SYTL3: variants seen among roughly 807,000 people sequenced by gnomAD.
SYTL3 encodes the protein synaptotagmin like 3.
Under a neutral mutation model 82.1 loss-of-function variants are expected in SYTL3, and 88 were observed. The ratio of observed to expected loss-of-function variants is 1.07; its 90% CI spans 0.90 to 1.28. The LOEUF is 1.28. Among genes scored for constraint, SYTL3 ranks in the 50% most tolerant of loss-of-function variants. SYTL3 has a pLI of 0.00. For synonymous variants in SYTL3, 311 were observed against 289.4 expected, an observed-to-expected ratio of 1.07 and a Z score of -0.76; for missense variants, 831 against 757.6, an observed-to-expected ratio of 1.10 and a Z score of -1.14.
chr6:158,680,006 A>C (rs1464387651), intron 5 of SYTL3, among the ~76,000 whole-genome samples: 1 of 152,192 alleles, frequency 6.6e-6, no homozygotes, highest in Non-Finnish European at 1.5e-5. Context: ...AGATGAGCTG[A>C]AATGGGTCAC....
chr6:158,684,613 C>T (rs1779092204), intron 6 of SYTL3, among the ~76,000 whole-genome samples: 1 of 152,076 alleles, frequency 6.6e-6, no homozygotes, highest in African/African-American at 2.4e-5. Context: ...ACTCAGAGGG[C>T]AGCGGTGGCT....
At chr6:158,649,819 T>C (rs1435348694), upstream of SYTL3, among the ~76,000 whole-genome samples, 1 of 152,218 alleles carries the variant, frequency 6.6e-6, no homozygotes, top group Non-Finnish European at 1.5e-5. Context: ...AGCATCAGCC[T>C]GGTCTTTCCT....
rs117939611 is a variant in SYTL3 at position 158,714,055 on chromosome 6, C to T, written c.595+177C>T. On this transcript the variant is annotated intron_variant, in intron 9 of 17. Coordinates refer to ENST00000611299, the MANE Select transcript of SYTL3 (RefSeq NM_001242394.2). ...TCATCTCTTTCCCAACAAAGCAGGC[C>T]TCTGGTTCCTCATAGGAAGAGAAAT... is the stretch of plus-strand genomic sequence containing the variant. Among the ~76,000 whole-genome samples the T allele has an allele frequency of 9.7e-3, 1,476 of 152,274 alleles. 14 individuals carry two copies. Among genetic ancestry groups the T allele is most frequent in the Non-Finnish European group, 0.017 (1,169 of 68,024 alleles).
intron 11 of SYTL3, among the ~76,000 whole-genome samples, chr6:158,727,078 C>T (rs939276629): frequency 1.3e-5 from 2 of 151,842 alleles, no homozygotes; most frequent in Admixed American, 1.3e-4. Context: ...TCTCGATCTC[C>T]TGACCTCGTG....
At chr6:158,693,855 CTT>C (rs575358067) in intron 6 of SYTL3, among the ~76,000 whole-genome samples, 2,043 of 96,672 alleles carry the variant, frequency 0.021, 154 homozygotes, top group African/African-American at 0.1. Context: ...TTTTTCTTTT[CTT>C]TTTTTTTTTT....
At chr6:158,746,791 C>G (rs2128517228) in intron 12 of SYTL3, among the ~76,000 whole-genome samples, 1 of 149,068 alleles carries the variant, frequency 6.7e-6, no homozygotes, top group South Asian at 2.2e-4. Context: ...GTGCATTTCC[C>G]TTATTACTAA....
chr6:158,703,689 C>G (rs1386006706), intron 6 of SYTL3, among the ~76,000 whole-genome samples: 5 of 152,164 alleles, frequency 3.3e-5, no homozygotes, highest in African/African-American at 1.2e-4. Context: ...CTCTGTGTCT[C>G]TAGCAACCCC....
rs1451761634 is a variant in SYTL3 at position 158,708,391 on chromosome 6, G to C, written c.516G>C (p.Arg172Ser). 7 of 1,613,948 alleles carry C rather than the reference G, an allele frequency of 4.3e-6. No homozygotes were observed. The highest frequency in any genetic ancestry group is 2.2e-5 in the South Asian group (2 of 91,080). ...GCCAGTGCAGCCGCAGTCCTGGCAG[G>C]GTAACGTATCCATTCTGGGCACTTC... ...SESQCSRSPG[R>S]LQEFGQFRGF... The change falls in exon 8 of 18, where the codon AGG becomes AGC. Residue 172 changes from arginine to serine, a missense_variant and splice_region_variant. Transcript: ENST00000611299.
chr6:158,745,602 C>T lies in SYTL3; in HGVS notation c.978C>T (p.Cys326=), dbSNP rs199507012. Residue 326 remains cysteine (C), a synonymous_variant, in exon 12 of 18, where the codon TGC becomes TGT. Transcript: ENST00000611299. ...YCFKTHSLEI[C]IKACKNLAYG... is the part of the protein sequence containing the mutation. The stretch of plus-strand genomic sequence containing the variant: ...TCAAAACCCATTCTTTAGAAATATG[C>T]ATCAAGGCCTGTAAGAACCTTGCCT... 2.0e-5 allele frequency: 32 copies of T among 1,613,256 alleles called. No individual in the cohort carries two copies. The highest frequency in any genetic ancestry group is 4.5e-5 in the East Asian group (2 of 44,834).
intron 11 of SYTL3, chr6:158,726,389 A>T: frequency 3.9e-6 from 1 of 255,260 alleles, no homozygotes; most frequent in Middle Eastern, 6.8e-4. Flanking sequence ...TTGGCTCTAA[A>T]GGAACACCTC....
chr6:158,732,502 A>G (rs1404263585), intron 11 of SYTL3, among the ~76,000 whole-genome samples: 4 of 152,238 alleles, frequency 2.6e-5, no homozygotes, highest in Non-Finnish European at 5.9e-5. Context: ...TCTAATCGAC[A>G]AGACGTAGAC....
chr6:158,700,668 G>C (rs1391425531), intron 6 of SYTL3, among the ~76,000 whole-genome samples: 1 of 152,168 alleles, frequency 6.6e-6, no homozygotes, highest in Non-Finnish European at 1.5e-5. Flanking sequence ...CCAGGCTGGA[G>C]TGCAGTGGAG....
chr6:158,668,794 G>C (rs1777034721), intron 5 of SYTL3, among the ~76,000 whole-genome samples: 1 of 152,166 alleles, frequency 6.6e-6, no homozygotes, highest in African/African-American at 2.4e-5. Context: ...GGTTACAGGG[G>C]ATAAAAGAGA....
At position 158,764,822 on chromosome 6, in the gene SYTL3, T is replaced by C. The variant is rs1790595480; in HGVS notation, c.*218T>C. 2.3e-6 allele frequency: 1 copy of C among 428,974 alleles called. No individual in the cohort carries two copies. The highest frequency in any genetic ancestry group is 4.2e-6 in the Non-Finnish European group (1 of 240,242). The allele number at this position is 428,974 out of a possible 1,614,324, so 26.6% of individuals were successfully genotyped here. A position where few individuals can be genotyped will look rare whatever the true frequency, so the allele number is the denominator to read the frequency against. ...TAAGCCTCTGGTGGGTTATCTCCTCTTTGAGATGTAGAAAATGGCCAGATT... is the reference window on the plus strand; with the variant it reads ...TAAGCCTCTGGTGGGTTATCTCCTCCTTGAGATGTAGAAAATGGCCAGATT... On this transcript the variant is annotated 3_prime_UTR_variant, in exon 18 of 18. Transcript: ENST00000611299.
intron 13 of SYTL3, among the ~76,000 whole-genome samples, chr6:158,752,755 CTA>C (rs568003480): frequency 6.1e-4 from 93 of 152,310 alleles, no homozygotes; most frequent in African/African-American, 2.0e-3. Context: ...CGTCTCATGC[CTA>C]TGACAGGAGA....
At chr6:158,733,862 C>T (rs945224933) in intron 11 of SYTL3, among the ~76,000 whole-genome samples, 13 of 150,818 alleles carry the variant, frequency 8.6e-5, no homozygotes, top group Middle Eastern at 3.4e-3. Flanking sequence ...CTTTGGGAGG[C>T]CGAGGAGGGC....
intron 10 of SYTL3, among the ~76,000 whole-genome samples, chr6:158,725,110 TA>T (rs143977777): frequency 0.093 from 14,158 of 152,324 alleles, 873 homozygotes; most frequent in African/African-American, 0.17. Context: ...TTTCCCTTTT[TA>T]TAAGCATCTT....
chr6:158,645,545 AAG>A (rs1311165289), upstream of SYTL3, among the ~76,000 whole-genome samples: 1 of 152,148 alleles, frequency 6.6e-6, no homozygotes, highest in East Asian at 1.9e-4. Flanking sequence ...TTCCCCAAGA[AAG>A]AGCTGACTGC....
chr6:158,733,026 C>T (rs1164064312), intron 11 of SYTL3, among the ~76,000 whole-genome samples: 1 of 150,702 alleles, frequency 6.6e-6, no homozygotes, highest in Non-Finnish European at 1.5e-5. Context: ...TTTCAGTTTC[C>T]TTTCTGGTAA....
Sources: gnomAD v4.1 joint callset for allele counts (sites outside exome capture counted in the v4.1 genomes callset) on GRCh38, gnomAD v4.1.1 for gene constraint, MANE v1.5 for transcripts, NCBI Gene and HGNC (gene_info 2026-07-23, HGNC 2026-07-21) for gene names.